The following KCNJ3 variants were observed in gnomAD, a reference collection of about 807,000 sequenced individuals.
KCNJ3 encodes potassium inwardly rectifying channel subfamily J member 3.
In KCNJ3, 4 loss-of-function variants were observed where a neutral mutation model predicts 39.2. The observed-to-expected ratio is 0.10, with a 90% CI of 0.05 to 0.23. The LOEUF (loss-of-function observed/expected upper bound fraction) is 0.23, where lower values mean the gene tolerates loss of function less well. Among genes scored for constraint, KCNJ3 ranks in the 10% least tolerant of loss-of-function variants. KCNJ3 has a pLI of 1.00. For missense variants in KCNJ3, 276 were observed against 634.9 expected, an observed-to-expected ratio of 0.43 and a Z score of 6.08; for synonymous variants, 230 against 237.4, an observed-to-expected ratio of 0.97 and a Z score of 0.29.
intron 2 of KCNJ3, among the ~76,000 whole-genome samples, chr2:154,842,040 C>T (rs867159824): frequency 6.6e-6 from 1 of 152,068 alleles, no homozygotes; most frequent in Non-Finnish European, 1.5e-5. Context: ...GTTAGGGTGT[C>T]GATCTTAGAT....
intron 2 of KCNJ3, among the ~76,000 whole-genome samples, chr2:154,734,530 G>T (rs1354024196): frequency 6.6e-6 from 1 of 152,192 alleles, no homozygotes; most frequent in Non-Finnish European, 1.5e-5. Context: ...GACCCTATAT[G>T]TGTCCTATAA....
At chr2:154,729,288 T>G (rs1685413458) in intron 2 of KCNJ3, among the ~76,000 whole-genome samples, 1 of 152,156 alleles carries the variant, frequency 6.6e-6, no homozygotes, top group African/African-American at 2.4e-5. Flanking sequence ...CATCCAAAAT[T>G]TATATGTTTT....
At chr2:154,775,094 T>C (rs1011331327) in intron 2 of KCNJ3, among the ~76,000 whole-genome samples, 1 of 152,110 alleles carries the variant, frequency 6.6e-6, no homozygotes, top group African/African-American at 2.4e-5. Flanking sequence ...TTTTTGTACT[T>C]TTTGTAGAGA....
intron 2 of KCNJ3, among the ~76,000 whole-genome samples, chr2:154,760,831 G>T (rs1485914420): frequency 1.3e-5 from 2 of 148,978 alleles, no homozygotes; most frequent in Non-Finnish European, 3.0e-5. Flanking sequence ...CCGCCTCCCG[G>T]GTTCATGCCA....
intron 2 of KCNJ3, among the ~76,000 whole-genome samples, chr2:154,728,873 G>T (rs1214492768): frequency 6.6e-6 from 1 of 152,014 alleles, no homozygotes; most frequent in African/African-American, 2.4e-5. Context: ...TAGTGGGAAA[G>T]GGAAGGATTA....
chr2:154,797,918 A>G (rs986416556), intron 2 of KCNJ3, among the ~76,000 whole-genome samples: 2 of 152,128 alleles, frequency 1.3e-5, no homozygotes, highest in East Asian at 3.9e-4. Context: ...TGTGGGCACA[A>G]TGTTCTACAG....
At chr2:154,846,289 T>G (rs2105135056) in intron 2 of KCNJ3, among the ~76,000 whole-genome samples, 1 of 152,324 alleles carries the variant, frequency 6.6e-6, no homozygotes, top group Non-Finnish European at 1.5e-5. Flanking sequence ...TTCTATGCAT[T>G]GATCTGTTTC....
intron 2 of KCNJ3, among the ~76,000 whole-genome samples, chr2:154,748,638 A>G (rs1327599006): frequency 6.6e-6 from 1 of 152,102 alleles, no homozygotes; most frequent in African/African-American, 2.4e-5. Flanking sequence ...TATCAGTCAT[A>G]CATCAATTGA....
chr2:154,781,865 T>C (rs1686445161), intron 2 of KCNJ3, among the ~76,000 whole-genome samples: 1 of 152,232 alleles, frequency 6.6e-6, no homozygotes. Flanking sequence ...AGGGGCTCAA[T>C]AGAGCCCTAA....
At chr2:154,714,468 T>G (rs1685150893) in intron 2 of KCNJ3, among the ~76,000 whole-genome samples, 1 of 152,192 alleles carries the variant, frequency 6.6e-6, no homozygotes, top group Non-Finnish European at 1.5e-5. Flanking sequence ...AGATATTTCC[T>G]TTCTTTTAGT....
At chr2:154,774,468 C>G (rs1382236900) in intron 2 of KCNJ3, among the ~76,000 whole-genome samples, 1 of 151,808 alleles carries the variant, frequency 6.6e-6, no homozygotes. Flanking sequence ...ATATTAACAT[C>G]ATTATTTAGA....
chr2:154,709,924 A>G, intron 2 of KCNJ3, 105 bp downstream of exon 2: 8 of 1,283,660 alleles, frequency 6.2e-6, no homozygotes, highest in Non-Finnish European at 7.4e-6. Flanking sequence ...AGAGTTTACA[A>G]TAATGAAAGT....
intron 2 of KCNJ3, among the ~76,000 whole-genome samples, chr2:154,720,925 A>G (rs1365295645): frequency 1.3e-5 from 2 of 152,096 alleles, no homozygotes; most frequent in Non-Finnish European, 2.9e-5. Context: ...TAGAAGGAAA[A>G]TGATGTAGCC....
At chr2:154,726,779 CAT>C (rs375508545) in intron 2 of KCNJ3, among the ~76,000 whole-genome samples, 6,427 of 131,890 alleles carry the variant, frequency 0.049, 193 homozygotes, top group Non-Finnish European at 0.057. Flanking sequence ...CACACACACA[CAT>C]ACATTTTATA....
chr2:154,800,531 C>T (rs905021443), intron 2 of KCNJ3, among the ~76,000 whole-genome samples: 9 of 151,960 alleles, frequency 5.9e-5, no homozygotes, highest in Admixed American at 2.6e-4. Flanking sequence ...TATGTTTTTC[C>T]TTCACATCAT....
intron 2 of KCNJ3, among the ~76,000 whole-genome samples, chr2:154,815,206 T>C (rs1687063512): frequency 6.6e-6 from 1 of 152,176 alleles, no homozygotes; most frequent in African/African-American, 2.4e-5. Context: ...TTTTTCTCCT[T>C]AAGGAAGAGA....
intron 2 of KCNJ3, among the ~76,000 whole-genome samples, chr2:154,789,557 G>C (rs933616168): frequency 1.3e-5 from 2 of 152,020 alleles, no homozygotes. Context: ...TCAAATGTTA[G>C]ATATTATTAG....
chr2:154,754,966 T>C (rs1381888851), intron 2 of KCNJ3, among the ~76,000 whole-genome samples: 2 of 152,280 alleles, frequency 1.3e-5, no homozygotes, highest in East Asian at 3.9e-4. Context: ...TTGGTTTTGG[T>C]CAGTTATATT....
At chr2:154,836,554 A>G (rs182140217) in intron 2 of KCNJ3, among the ~76,000 whole-genome samples, 1 of 152,154 alleles carries the variant, frequency 6.6e-6, no homozygotes, top group Admixed American at 6.5e-5. Flanking sequence ...TTCCTTTATC[A>G]GACTTGTATA....
Sources: gnomAD v4.1 joint callset for allele counts (sites outside exome capture counted in the v4.1 genomes callset) on GRCh38, gnomAD v4.1.1 for gene constraint, MANE v1.5 for transcripts, NCBI Gene and HGNC (gene_info 2026-07-23, HGNC 2026-07-21) for gene names.